The following NTNG1 variants were observed in gnomAD, a reference collection of about 807,000 sequenced individuals.
The protein encoded by NTNG1 is netrin G1, also known as netrin-G1.
Under a neutral mutation model 54.0 loss-of-function variants are expected in NTNG1, and 16 were observed. The observed-to-expected ratio is 0.30, with a 90% CI of 0.20 to 0.45. The LOEUF is 0.45. NTNG1 is among the 20% of genes least tolerant of loss of function. NTNG1 has a pLI of 1.00. For missense variants in NTNG1, 530 were observed against 678.7 expected, an observed-to-expected ratio of 0.78 and a Z score of 2.43; for synonymous variants, 255 against 263.1, an observed-to-expected ratio of 0.97 and a Z score of 0.30.
intron 2 of NTNG1, among the ~76,000 whole-genome samples, chr1:107,261,210 T>A (rs191358424): frequency 0.013 from 1,910 of 152,278 alleles, 36 homozygotes; most frequent in African/African-American, 0.043. Context: ...GATATGAAAA[T>A]GAACAAGGTA....
At chr1:107,313,890 CA>C (rs912509975) in intron 2 of NTNG1, among the ~76,000 whole-genome samples, 13 of 151,698 alleles carry the variant, frequency 8.6e-5, no homozygotes, top group African/African-American at 3.1e-4. Context: ...TTCACTATTC[CA>C]AAAAAAATTG....
chr1:107,188,333 G>A (rs1174096463), intron 2 of NTNG1, among the ~76,000 whole-genome samples: 1 of 152,050 alleles, frequency 6.6e-6, no homozygotes, highest in Non-Finnish European at 1.5e-5. Context: ...CTCAGTCATG[G>A]CCAGGGTGTA....
rs879412539 is a variant in NTNG1 at position 107,376,421 on chromosome 1, A to AAC, written c.888-18732_888-18731insCA. 3.8e-3 allele frequency among the ~76,000 whole-genome samples: 577 copies of AAC among 151,364 alleles called. 11 individuals carry two copies. The highest frequency in any genetic ancestry group is 3.4e-3 in the African/African-American group (141 of 41,206). On this transcript the variant is annotated intron_variant, in intron 3 of 7. Coordinates refer to ENST00000370068, the MANE Select transcript of NTNG1 (RefSeq NM_001113226.3). ...AGACTCCGTCTCAAAACAAAACAAA[A>AAC]AAAAAAACAAAAAAAAAAAATTTGC...
At chr1:107,451,356 A>G (rs1676616821) in intron 7 of NTNG1, among the ~76,000 whole-genome samples, 1 of 152,018 alleles carries the variant, frequency 6.6e-6, no homozygotes, top group Admixed American at 6.6e-5. Context: ...GTAAGGCTGA[A>G]TTTTCCTAGT....
intron 2 of NTNG1, among the ~76,000 whole-genome samples, chr1:107,156,863 C>G (rs1655041000): frequency 6.6e-6 from 1 of 152,152 alleles, no homozygotes; most frequent in Non-Finnish European, 1.5e-5. Flanking sequence ...GTAGCCTTGA[C>G]CACATGGTAT....
intron 7 of NTNG1, among the ~76,000 whole-genome samples, chr1:107,472,085 C>A (rs780612340): frequency 6.6e-6 from 1 of 152,140 alleles, no homozygotes; most frequent in Admixed American, 6.5e-5. Context: ...TCACTCAGCC[C>A]ATTAACTACA....
chr1:107,164,979 A>C (rs35795268), intron 2 of NTNG1, among the ~76,000 whole-genome samples: 1 of 151,970 alleles, frequency 6.6e-6, no homozygotes, highest in Non-Finnish European at 1.5e-5. Flanking sequence ...GCTAATTCCG[A>C]TTGGCTATTT....
intron 7 of NTNG1, among the ~76,000 whole-genome samples, chr1:107,448,515 G>A (rs1676433935): frequency 6.6e-6 from 1 of 152,082 alleles, no homozygotes; most frequent in South Asian, 2.1e-4. Context: ...AGACCCACCT[G>A]CAGACTTACT....
intron 7 of NTNG1, among the ~76,000 whole-genome samples, chr1:107,440,291 G>A (rs575229334): frequency 6.6e-6 from 1 of 152,218 alleles, no homozygotes; most frequent in Admixed American, 6.5e-5. Context: ...ATTTAAAAAA[G>A]GGATTCAGTA....
intron 7 of NTNG1, among the ~76,000 whole-genome samples, chr1:107,458,058 T>A (rs1417100744): frequency 2.0e-5 from 3 of 152,162 alleles, no homozygotes; most frequent in African/African-American, 4.8e-5. Context: ...TATATTCAAT[T>A]CCAACATGTT....
At chr1:107,219,685 G>T (rs896632188) in intron 2 of NTNG1, among the ~76,000 whole-genome samples, 2 of 152,160 alleles carry the variant, frequency 1.3e-5, no homozygotes, top group Admixed American at 6.5e-5. Flanking sequence ...TAGCCACCCA[G>T]TGGAGCTACC....
intron 5 of NTNG1, among the ~76,000 whole-genome samples, chr1:107,411,711 A>G (rs1030964920): frequency 1.3e-5 from 2 of 152,158 alleles, no homozygotes; most frequent in African/African-American, 4.8e-5. Context: ...GTGTAGCGAT[A>G]GGCAAATTGC....
chr1:107,227,356 A>G (rs895714127), intron 2 of NTNG1, among the ~76,000 whole-genome samples: 7 of 152,102 alleles, frequency 4.6e-5, no homozygotes, highest in Non-Finnish European at 8.8e-5. Flanking sequence ...TTATACTTGC[A>G]GCTCCTCTCC....
At chr1:107,282,522 C>T (rs1664931996) in intron 2 of NTNG1, among the ~76,000 whole-genome samples, 1 of 152,134 alleles carries the variant, frequency 6.6e-6, no homozygotes, top group Non-Finnish European at 1.5e-5. Context: ...GAAGGTACTA[C>T]CTCCTGAATA....
At chr1:107,264,978 C>T (rs989790285) in intron 2 of NTNG1, among the ~76,000 whole-genome samples, 1 of 152,182 alleles carries the variant, frequency 6.6e-6, no homozygotes, top group Non-Finnish European at 1.5e-5. Flanking sequence ...CTGTTGAGCA[C>T]CTTGGCTGTG....
chr1:107,441,897 C>A (rs1167356508), intron 7 of NTNG1, among the ~76,000 whole-genome samples: 1 of 151,882 alleles, frequency 6.6e-6, no homozygotes, highest in Non-Finnish European at 1.5e-5. Flanking sequence ...TAATGTATGT[C>A]AAGCAGGTAT....
At chr1:107,470,540 C>T in intron 7 of NTNG1, among the ~76,000 whole-genome samples, 1 of 152,220 alleles carries the variant, frequency 6.6e-6, no homozygotes, top group East Asian at 1.9e-4. Flanking sequence ...GGAGATTATG[C>T]TGGATAAACA....
intron 2 of NTNG1, among the ~76,000 whole-genome samples, chr1:107,299,156 T>C (rs1666168988): frequency 6.6e-6 from 1 of 152,146 alleles, no homozygotes; most frequent in Non-Finnish European, 1.5e-5. Flanking sequence ...GTCCAGATGA[T>C]ATTGAATAGA....
intron 3 of NTNG1, among the ~76,000 whole-genome samples, chr1:107,384,728 G>T (rs560659051): frequency 6.6e-6 from 1 of 152,266 alleles, no homozygotes; most frequent in Admixed American, 6.5e-5. Flanking sequence ...TTGCAGAGAG[G>T]CTGCCTAGAG....
Sources: gnomAD v4.1 joint callset for allele counts (sites outside exome capture counted in the v4.1 genomes callset) on GRCh38, gnomAD v4.1.1 for gene constraint, MANE v1.5 for transcripts, NCBI Gene and HGNC (gene_info 2026-07-23, HGNC 2026-07-21) for gene names.